P2RY12: variants seen among roughly 807,000 people sequenced by gnomAD.
The protein encoded by P2RY12 is P2Y purinoceptor 12.
P2RY12 carries 3 observed loss-of-function variants against 4.5 expected under a neutral mutation model. The ratio of observed to expected loss-of-function variants is 0.67; its 90% CI spans 0.31 to 1.74. The LOEUF is 1.74. P2RY12 is among the 40% of genes most tolerant of loss of function. P2RY12 has a pLI of 0.09. For missense variants in P2RY12, 356 were observed against 407.8 expected (o/e 0.87, Z 1.09); for synonymous variants, 148 against 154.1 (o/e 0.96, Z 0.29).
At position 151,383,923 on chromosome 3, in the gene P2RY12, A is replaced by G. The variant is rs779201413; in HGVS notation, c.-180+769T>C. The stretch of plus-strand genomic sequence containing the variant: ...TATCACTTCACATTGATTTTGCTAC[A>G]TGTATGCATGGTATAAGCTTTGATA... On this transcript the variant is annotated intron_variant, in intron 1 of 2. Coordinates refer to ENST00000302632, the MANE Select transcript of P2RY12 (RefSeq NM_022788.5). The G allele has an allele frequency of 5.8e-6, 9 of 1,562,954 alleles. 1 individual carries two copies. In the South Asian group the frequency reaches 9.0e-5, roughly 16 times the overall value.
chr3:151,337,610 C>T lies in P2RY12; in HGVS notation c.*207G>A, dbSNP rs1444391632. 6 of 563,386 alleles carry T rather than the reference C, an allele frequency of 1.1e-5. No homozygotes were observed. Among genetic ancestry groups the T allele is most frequent in the Non-Finnish European group, 1.5e-5 (5 of 323,622 alleles). The allele number at this position is 563,386 out of a possible 1,614,324, so 34.9% of individuals were successfully genotyped here. ...GATGTCGTTTGTTTTGCTGCTAATACAGCTACAGTTTAGATTAGTTTTCTA... is the reference window on the plus strand; with the variant it reads ...GATGTCGTTTGTTTTGCTGCTAATATAGCTACAGTTTAGATTAGTTTTCTA... On this transcript the variant is annotated 3_prime_UTR_variant, in exon 3 of 3. Coordinates refer to ENST00000302632, the MANE Select transcript of P2RY12 (RefSeq NM_022788.5).
chr3:151,377,099 A>G, intron 1 of P2RY12: 1 of 1,614,118 alleles, frequency 6.2e-7, no homozygotes, highest in Non-Finnish European at 8.5e-7. Context: ...TAATTCTGGC[A>G]TGAGCCTCTT....
rs138585048 is a variant in P2RY12, at chr3:151,382,665, A to G, written c.-180+2027T>C. ...TTTTTCCGGATCTTAGATTTTAAGT[A>G]ACTGGAGAGAAGAACGATACCAAGA... is the stretch of plus-strand genomic sequence containing the variant. On this transcript the variant is annotated intron_variant, in intron 1 of 2. Coordinates refer to ENST00000302632, the MANE Select transcript of P2RY12 (RefSeq NM_022788.5). The G allele has an allele frequency of 7.5e-6, 12 of 1,607,886 alleles. No homozygotes were observed. Among genetic ancestry groups the G allele is most frequent in the Admixed American group, 1.7e-5 (1 of 59,022 alleles).
intron 1 of P2RY12, chr3:151,380,154 T>G (rs762233196): frequency 6.2e-7 from 1 of 1,608,410 alleles, no homozygotes; most frequent in Non-Finnish European, 8.5e-7. Flanking sequence ...TCACTGGTAC[T>G]TACCTGCCTT....
chr3:151,374,595 G>A (rs775097366), intron 1 of P2RY12, among the ~76,000 whole-genome samples: 3 of 152,086 alleles, frequency 2.0e-5, no homozygotes, highest in Non-Finnish European at 4.4e-5. Context: ...ATACCACTAG[G>A]AAGAACAAAC....
At chr3:151,354,595 T>C (rs1190316917) in intron 1 of P2RY12, among the ~76,000 whole-genome samples, 1 of 152,210 alleles carries the variant, frequency 6.6e-6, no homozygotes. Context: ...ATCATTGTAA[T>C]TTAAAAGTTG....
At chr3:151,348,323 T>C (rs1577396077) in intron 1 of P2RY12, among the ~76,000 whole-genome samples, 1 of 112,328 alleles carries the variant, frequency 8.9e-6, no homozygotes, top group East Asian at 2.4e-4. Flanking sequence ...GGTTCATATG[T>C]ACACAAACCA....
chr3:151,365,831 T>A (rs756812917), intron 1 of P2RY12: 4 of 1,588,158 alleles, frequency 2.5e-6, no homozygotes, highest in East Asian at 4.5e-5. Flanking sequence ...ACTTTCTGTG[T>A]CTTCTTTTTC....
chr3:151,354,983 G>A, intron 1 of P2RY12: 1 of 685,414 alleles, frequency 1.5e-6, no homozygotes, highest in Non-Finnish European at 2.6e-6. Context: ...AAGTCTTATT[G>A]TGTATTTATT....
Position 151,337,530 on chromosome 3 carries a change from G to T in P2RY12, c.*287C>A. The T allele has an allele frequency of 6.3e-6, 2 of 318,708 alleles. No individual in the cohort carries two copies. The highest frequency in any genetic ancestry group is 6.1e-5 in the East Asian group (1 of 16,420). The allele number at this position is 318,708 out of a possible 1,614,324, so 19.7% of individuals were successfully genotyped here. On this transcript the variant is annotated 3_prime_UTR_variant, in exon 3 of 3. Transcript: ENST00000302632. Reference sequence around the variant, plus strand: ...AAATATTATATGATTACTCATTTTGGCAAAACTCTGCAAAACATGAATTCT... The same window carrying T: ...AAATATTATATGATTACTCATTTTGTCAAAACTCTGCAAAACATGAATTCT...
intron 1 of P2RY12, among the ~76,000 whole-genome samples, chr3:151,373,005 G>A (rs1283543954): frequency 1.3e-5 from 2 of 152,142 alleles, no homozygotes; most frequent in Admixed American, 1.3e-4. Flanking sequence ...ATTTGTATGT[G>A]GAGATGTGGG....
At chr3:151,358,762 G>C (rs1754253703) in intron 1 of P2RY12, among the ~76,000 whole-genome samples, 1 of 152,072 alleles carries the variant, frequency 6.6e-6, no homozygotes, top group Non-Finnish European at 1.5e-5. Flanking sequence ...GTACTTATGT[G>C]AACAGTACAC....
intron 1 of P2RY12, chr3:151,368,358 G>A: frequency 1.1e-6 from 1 of 926,752 alleles, no homozygotes; most frequent in Non-Finnish European, 1.7e-6. Flanking sequence ...AATTTTTTGG[G>A]CATGCCCTGG....
intron 1 of P2RY12, among the ~76,000 whole-genome samples, chr3:151,349,304 T>G (rs1752943197): frequency 6.6e-6 from 1 of 152,040 alleles, no homozygotes; most frequent in African/African-American, 2.4e-5. Flanking sequence ...GGTGGAGAGG[T>G]GGTCCAGAAG....
At chr3:151,376,673 C>A in intron 1 of P2RY12, 1 of 761,496 alleles carries the variant, frequency 1.3e-6, no homozygotes, top group Non-Finnish European at 2.2e-6. Context: ...AACCTTTTGA[C>A]TCATATAAAT....
At chr3:151,346,853 T>C (rs1752609367) in intron 1 of P2RY12, among the ~76,000 whole-genome samples, 1 of 152,148 alleles carries the variant, frequency 6.6e-6, no homozygotes, top group Admixed American at 6.5e-5. Flanking sequence ...TACACATTTC[T>C]ACCTACCCTT....
intron 1 of P2RY12, among the ~76,000 whole-genome samples, chr3:151,342,280 C>A (rs16863323): frequency 1.3e-5 from 2 of 152,066 alleles, no homozygotes; most frequent in Non-Finnish European, 2.9e-5. Context: ...TGCAGAAACA[C>A]ACCTCCCTGG....
At chr3:151,372,674 C>G (rs747731337) in intron 1 of P2RY12, 4 of 1,613,830 alleles carry the variant, frequency 2.5e-6, no homozygotes, top group South Asian at 1.1e-5. Flanking sequence ...GACTGCCTCA[C>G]AAAATCCAAA....
chr3:151,380,669 C>T (rs1393821500), intron 1 of P2RY12, among the ~76,000 whole-genome samples: 1 of 151,636 alleles, frequency 6.6e-6, no homozygotes, highest in Non-Finnish European at 1.5e-5. Context: ...CAATCCATGC[C>T]TTATTCTTCT....
Sources: allele counts gnomAD v4.1 joint callset (sites outside exome capture counted in the v4.1 genomes callset), GRCh38; gene constraint gnomAD v4.1.1; transcripts MANE v1.5; gene names NCBI Gene and HGNC (gene_info 2026-07-23, HGNC 2026-07-21).